Variants in RYR2 observed in about 807,000 individuals in gnomAD.
The protein encoded by RYR2 is ryanodine receptor 2, also known as cardiac muscle ryanodine receptor-calcium release channel.
A neutral mutation model predicts 601.1 loss-of-function variants in RYR2; 227 were observed. The ratio of observed to expected loss-of-function variants is 0.38; its 90% CI spans 0.34 to 0.42. The LOEUF (loss-of-function observed/expected upper bound fraction) is 0.42, where lower values mean the gene tolerates loss of function less well. RYR2 is among the 10% of genes least tolerant of loss of function. The pLI is 1.00. For missense variants in RYR2, 4,646 were observed against 6,156.5 expected (o/e 0.75, Z 8.21); for synonymous variants, 2,223 against 2,175.1 (o/e 1.02, Z -0.61).
At chr1:237,117,670 TCCTTCTCTTCTCTTCTCTTC>T (rs1670245104) in intron 1 of RYR2, among the ~76,000 whole-genome samples, 3 of 135,998 alleles carry the variant, frequency 2.2e-5, no homozygotes, top group African/African-American at 8.3e-5. Context: ...TCTCTTCTCT[TCCTTCTCTTCTCTTCTCTTC>T]TCTTCTCTTC....
At chr1:237,525,288 A>G (rs1027377250) in intron 24 of RYR2, among the ~76,000 whole-genome samples, 1 of 152,142 alleles carries the variant, frequency 6.6e-6, no homozygotes, top group Non-Finnish European at 1.5e-5. Flanking sequence ...TGCAAGAAGG[A>G]CATGATTTCA....
chr1:237,515,654 C>G (rs2927939), intron 24 of RYR2, among the ~76,000 whole-genome samples: 1 of 129,182 alleles, frequency 7.7e-6, no homozygotes, highest in Non-Finnish European at 1.7e-5. Flanking sequence ...CCCCTTCCCT[C>G]CCCTTCCCCT....
At chr1:237,082,209 G>C (rs1002700272) in intron 1 of RYR2, among the ~76,000 whole-genome samples, 6 of 152,108 alleles carry the variant, frequency 3.9e-5, no homozygotes, top group Non-Finnish European at 7.4e-5. Context: ...CTCTTCACAG[G>C]ATCATGTGAG....
chr1:237,708,772 A>T, intron 68 of RYR2, 86 bp from the exon 69 acceptor site: 2 of 1,242,108 alleles, frequency 1.6e-6, no homozygotes, highest in Non-Finnish European at 2.3e-6. Flanking sequence ...AGGAGGCTTT[A>T]ATTATGTTAC....
chr1:237,402,090 TTTAA>T (rs556098476), intron 10 of RYR2, among the ~76,000 whole-genome samples: 34 of 152,202 alleles, frequency 2.2e-4, no homozygotes, highest in African/African-American at 7.5e-4. Context: ...GATAATGGAG[TTTAA>T]TTAAAAATAT....
At chr1:237,353,479 A>G (rs60469857) in intron 3 of RYR2, among the ~76,000 whole-genome samples, 2,610 of 149,780 alleles carry the variant, frequency 0.017, 84 homozygotes, top group African/African-American at 0.061. Context: ...ACTGCATTCC[A>G]GCCTGGGTGA....
intron 16 of RYR2, among the ~76,000 whole-genome samples, chr1:237,459,272 A>G (rs1029102947): frequency 3.3e-5 from 5 of 152,198 alleles, no homozygotes; most frequent in Non-Finnish European, 7.3e-5. Flanking sequence ...ACAGCAGAGG[A>G]AAACCCTGTC....
chr1:237,750,376 A>G (rs924062806), intron 80 of RYR2, among the ~76,000 whole-genome samples: 1 of 152,008 alleles, frequency 6.6e-6, no homozygotes, highest in African/African-American at 2.4e-5. Flanking sequence ...TTTGACTCCA[A>G]GCTTTCTAGG....
At chr1:237,639,282 A>G in intron 46 of RYR2, 81 bp downstream of exon 46, 1 of 1,278,648 alleles carries the variant, frequency 7.8e-7, no homozygotes, top group Non-Finnish European at 1.1e-6. Flanking sequence ...GCATCCTATG[A>G]ATTGTAATAT....
At chr1:237,488,876 G>A (rs1663003812) in intron 17 of RYR2, among the ~76,000 whole-genome samples, 1 of 152,142 alleles carries the variant, frequency 6.6e-6, no homozygotes, top group Non-Finnish European at 1.5e-5. Flanking sequence ...CCTGTTGGTG[G>A]ACTCTTCTCA....
chr1:237,403,672 C>T (rs1217156289), intron 10 of RYR2, among the ~76,000 whole-genome samples: 2 of 152,212 alleles, frequency 1.3e-5, no homozygotes, highest in Non-Finnish European at 2.9e-5. Flanking sequence ...CCAGTCCCCC[C>T]TCCTTGGCCT....
intron 1 of RYR2, among the ~76,000 whole-genome samples, chr1:237,127,276 G>A (rs918107712): frequency 2.6e-5 from 4 of 151,982 alleles, no homozygotes; most frequent in East Asian, 1.9e-4. Context: ...TGTCATCCTG[G>A]CCCGTTCTCA....
At chr1:237,750,061 G>A (rs12117488) in intron 80 of RYR2, among the ~76,000 whole-genome samples, 7,097 of 152,208 alleles carry the variant, frequency 0.047, 226 homozygotes, top group Non-Finnish European at 0.074. Flanking sequence ...CACAGGAATC[G>A]CTTGAACCCA....
chr1:237,794,940 C>G (rs1658928388), intron 95 of RYR2, among the ~76,000 whole-genome samples: 1 of 152,090 alleles, frequency 6.6e-6, no homozygotes, highest in Non-Finnish European at 1.5e-5. Flanking sequence ...AAAACAATGA[C>G]AGGTTTCTAG....
chr1:237,648,590 C>T lies in RYR2; in HGVS notation c.7489C>T (p.Arg2497Trp), dbSNP rs1682407283. ...TGAGGTTGGCTTTCTGCCAGATCTC[C>T]GGGCGGCTGCTTCTTTAGATACGGT... ...LLEVGFLPDL[R>W]AAASLDTAAL... Residue 2497 changes from arginine to tryptophan, a missense_variant, in exon 49 of 105, where the codon CGG becomes TGG. Arg to Trp is a moderately radical substitution (Grantham distance 101). Transcript: ENST00000366574. 2.5e-6 allele frequency: 4 copies of T among 1,609,822 alleles called. No individual in the cohort carries two copies. The highest frequency in any genetic ancestry group is 1.7e-5 in the Admixed American group (1 of 59,646).
At chr1:237,348,731 A>G (rs897877174) in intron 3 of RYR2, among the ~76,000 whole-genome samples, 1 of 152,188 alleles carries the variant, frequency 6.6e-6, no homozygotes, top group African/African-American at 2.4e-5. Context: ...GGATCAAGAG[A>G]AAAAAGATCT....
intron 1 of RYR2, among the ~76,000 whole-genome samples, chr1:237,094,850 C>T (rs1482560787): frequency 6.6e-6 from 1 of 152,200 alleles, no homozygotes; most frequent in East Asian, 1.9e-4. Context: ...CTTGGCCTCC[C>T]AAAGTGCTGG....
At chr1:237,258,634 T>G (rs924166713) in intron 1 of RYR2, among the ~76,000 whole-genome samples, 1 of 152,226 alleles carries the variant, frequency 6.6e-6, no homozygotes, top group African/African-American at 2.4e-5. Flanking sequence ...AAGACTTTCT[T>G]TGAAGATGGC....
intron 1 of RYR2, among the ~76,000 whole-genome samples, chr1:237,085,730 G>C (rs1294086224): frequency 6.6e-6 from 1 of 152,176 alleles, no homozygotes; most frequent in African/African-American, 2.4e-5. Flanking sequence ...GACAGGGATA[G>C]GAAGATCAGT....
Sources: gnomAD v4.1 joint callset for allele counts (sites outside exome capture counted in the v4.1 genomes callset) on GRCh38, gnomAD v4.1.1 for gene constraint, MANE v1.5 for transcripts, NCBI Gene and HGNC (gene_info 2026-07-23, HGNC 2026-07-21) for gene names.